The following DPP6 variants were observed in gnomAD, a reference collection of about 807,000 sequenced individuals.
DPP6 encodes the protein dipeptidyl peptidase like 6.
A neutral mutation model predicts 122.6 loss-of-function variants in DPP6; 69 were observed. The ratio of observed to expected loss-of-function variants is 0.56; its 90% CI spans 0.46 to 0.69. DPP6 has a LOEUF of 0.69. DPP6 is among the 30% of genes least tolerant of loss of function. DPP6 has a pLI of 0.00. For missense variants in DPP6, 928 were observed against 1,116.9 expected (o/e 0.83, Z 2.41); for synonymous variants, 418 against 433.1 (o/e 0.97, Z 0.43).
rs888547079 is a variant in DPP6 at position 154,276,993 on chromosome 7, C to T, written c.244-169221C>T. 4.6e-5 allele frequency among the ~76,000 whole-genome samples: 7 copies of T among 152,178 alleles called. No homozygotes were observed. The East Asian group carries it at 5.8e-4, about 13-fold the overall frequency. Reference sequence around the variant, plus strand: ...GGGAACCCTACACAGCACTTCAGCACGCACTTGGGGGCCATTTTAAACAGC... The same window carrying T: ...GGGAACCCTACACAGCACTTCAGCATGCACTTGGGGGCCATTTTAAACAGC... On this transcript the variant is annotated intron_variant, in intron 1 of 25. Coordinates refer to ENST00000377770, the MANE Select transcript of DPP6 (RefSeq NM_130797.4).
chr7:153,901,978 C>A (rs949509621), intron 1 of DPP6, among the ~76,000 whole-genome samples: 1 of 152,162 alleles, frequency 6.6e-6, no homozygotes, highest in Non-Finnish European at 1.5e-5. Context: ...ACTGGAAATT[C>A]CCTTGTGGAA....
chr7:154,269,479 T>G (rs1460093294), intron 1 of DPP6, among the ~76,000 whole-genome samples: 1 of 152,164 alleles, frequency 6.6e-6, no homozygotes, highest in African/African-American at 2.4e-5. Context: ...CAGTGCTTTG[T>G]AGAGCTGTAT....
In DPP6 at chr7:154,618,926, G is replaced by A. The variant is rs1834447790; in HGVS notation, c.628-18895G>A. 2.0e-5 allele frequency among the ~76,000 whole-genome samples: 3 copies of A among 152,266 alleles called. No homozygotes were observed. In the South Asian group the frequency reaches 6.2e-4, roughly 32 times the overall value. On this transcript the variant is annotated intron_variant, in intron 5 of 25. Transcript: ENST00000377770. This position sits in a 1 kb window ranked among gnomAD's most constrained non-coding sequence, Gnocchi z 4.1. The stretch of plus-strand genomic sequence containing the variant: ...CCCATTATCCCTACATGTTGTAGGA[G>A]GGACCTGGTAGGAGGTAACTGAATC...
intron 1 of DPP6, among the ~76,000 whole-genome samples, chr7:154,325,453 T>C (rs1191520550): frequency 6.6e-6 from 1 of 152,256 alleles, no homozygotes; most frequent in East Asian, 1.9e-4. Context: ...CTTCTGGGAC[T>C]GACTTTAAAC....
At chr7:154,831,647 T>C (rs1347646769) in intron 16 of DPP6, among the ~76,000 whole-genome samples, 1 of 152,230 alleles carries the variant, frequency 6.6e-6, no homozygotes, top group Non-Finnish European at 1.5e-5. Flanking sequence ...GCAATCCAGA[T>C]ACATTTTCCC....
chr7:153,856,678 CCCCATAT>C, the DPP6 span, among the ~76,000 whole-genome samples: 1 of 152,158 alleles, frequency 6.6e-6, no homozygotes, highest in Non-Finnish European at 1.5e-5. Flanking sequence ...AACACACCTG[CCCCATAT>C]CCCATTCTCA....
chr7:154,100,931 C>G (rs1412336152), intron 1 of DPP6, among the ~76,000 whole-genome samples: 1 of 143,926 alleles, frequency 6.9e-6, no homozygotes, highest in African/African-American at 2.5e-5. Context: ...CCTGCCCTTC[C>G]TCGTCAAGAC....
At chr7:153,834,647 C>T in the DPP6 span, among the ~76,000 whole-genome samples, 12 of 152,110 alleles carry the variant, frequency 7.9e-5, no homozygotes, top group Non-Finnish European at 1.5e-4. Context: ...ATGAGATGGC[C>T]AGAACATGTT....
chr7:153,806,107 G>T, the DPP6 span, among the ~76,000 whole-genome samples: 1 of 151,782 alleles, frequency 6.6e-6, no homozygotes, highest in Admixed American at 6.6e-5. Flanking sequence ...GGCAGCTCAG[G>T]ACCATTTTTC....
At chr7:153,937,331 A>G (rs572702465) in intron 1 of DPP6, among the ~76,000 whole-genome samples, 50 of 152,240 alleles carry the variant, frequency 3.3e-4, no homozygotes, top group African/African-American at 1.1e-3. Flanking sequence ...CCTCCTAACT[A>G]TCACCAAAAC....
chr7:154,162,416 T>C (rs901852505), intron 1 of DPP6, among the ~76,000 whole-genome samples: 1 of 152,196 alleles, frequency 6.6e-6, no homozygotes, highest in Non-Finnish European at 1.5e-5. Context: ...CACTTAAGGG[T>C]TACAAAAGGA....
At position 154,463,428 on chromosome 7, in the gene DPP6, C is replaced by T. The variant is rs577178472; in HGVS notation, c.359-11511C>T. On this transcript the variant is annotated intron_variant, in intron 2 of 25. Coordinates refer to ENST00000377770, the MANE Select transcript of DPP6 (RefSeq NM_130797.4). ...TTCACCGTGTTAGCCAGGATGGTCT[C>T]GATCTCCTGACCTCGTGATCCGCCC... Among the ~76,000 whole-genome samples the T allele has an allele frequency of 2.8e-4, 43 of 151,968 alleles. No individual in the cohort carries two copies. The East Asian group carries it at 2.9e-3, about 10-fold the overall frequency.
At chr7:153,946,685 G>A (rs1801963090) in intron 1 of DPP6, among the ~76,000 whole-genome samples, 1 of 152,072 alleles carries the variant, frequency 6.6e-6, no homozygotes, top group South Asian at 2.1e-4. Context: ...AGTCACTTTG[G>A]TTCAAACGCC....
chr7:154,799,494 G>A (rs142787038), intron 12 of DPP6, among the ~76,000 whole-genome samples: 172 of 152,320 alleles, frequency 1.1e-3, no homozygotes, highest in Non-Finnish European at 2.1e-3. Flanking sequence ...AGAGCCTATT[G>A]TTTTGGTTGA....
intron 1 of DPP6, among the ~76,000 whole-genome samples, chr7:154,353,996 AT>A (rs1329553022): frequency 1.3e-5 from 2 of 152,148 alleles, no homozygotes. Context: ...CACATCATAG[AT>A]TTATGAAGCC....
intron 1 of DPP6, among the ~76,000 whole-genome samples, chr7:154,218,974 GAT>G (rs199737767): frequency 6.6e-6 from 1 of 152,130 alleles, no homozygotes; most frequent in African/African-American, 2.4e-5. Flanking sequence ...ACATATTGAA[GAT>G]ATATATACAC....
intron 7 of DPP6, among the ~76,000 whole-genome samples, chr7:154,695,554 A>G (rs1840169711): frequency 6.6e-6 from 1 of 152,162 alleles, no homozygotes; most frequent in South Asian, 2.1e-4. Flanking sequence ...GTAATCCTCT[A>G]AATCACATAG....
At chr7:153,886,112 T>TACACACACACACACACACACAC (rs60245538), upstream of DPP6, among the ~76,000 whole-genome samples, 16 of 140,412 alleles carry the variant, frequency 1.1e-4, no homozygotes, top group African/African-American at 4.1e-4. Context: ...GGCACGCCCT[T>TACACACACACACACACACACAC]ACACACACAC....
chr7:154,795,785 A>C lies in DPP6; in HGVS notation c.1261-60A>C, dbSNP rs377711361. 2,084 of 1,103,148 alleles carry C rather than the reference A, an allele frequency of 1.9e-3. 23 individuals are homozygous for C. In the African/African-American group the frequency reaches 0.035, roughly 19 times the overall value. 68.3% of individuals were successfully genotyped at this position (1,103,148 alleles called of 1,614,324 possible). A position where few individuals can be genotyped will look rare whatever the true frequency, so the allele number is the denominator to read the frequency against. ...TGTCGGTCACAGACACAATACATGC[A>C]AAAAAAAAAAAGAAAAGAAAAGAAA... On this transcript the variant is annotated intron_variant, in intron 11 of 25. Transcript: ENST00000377770.
Sources: gnomAD v4.1 joint callset for allele counts (sites outside exome capture counted in the v4.1 genomes callset) on GRCh38, gnomAD v4.1.1 for gene constraint, Gnocchi (gnomAD v3.1) non-coding constraint, MANE v1.5 for transcripts, NCBI Gene and HGNC (gene_info 2026-07-23, HGNC 2026-07-21) for gene names.